Variants in CRACD observed in about 807,000 individuals in gnomAD.
The protein encoded by CRACD is capping protein inhibiting regulator of actin dynamics.
Under a neutral mutation model 106.8 loss-of-function variants are expected in CRACD, and 56 were observed. That is an observed-to-expected ratio of 0.52 (90% confidence interval 0.42 to 0.66). The LOEUF (loss-of-function observed/expected upper bound fraction) is 0.66. CRACD is among the 30% of genes least tolerant of loss of function. The probability of loss-of-function intolerance (pLI) is 0.00; values close to 1 mark genes in which losing one functional copy is unlikely to be tolerated. For synonymous variants in CRACD, 754 were observed against 670.8 expected (o/e 1.12, Z -1.92); for missense variants, 1,730 against 1,623.2 (o/e 1.07, Z -1.13).
At chr4:56,283,286 G>T (rs529337016) in intron 3 of CRACD, among the ~76,000 whole-genome samples, 1 of 152,156 alleles carries the variant, frequency 6.6e-6, no homozygotes, top group Non-Finnish European at 1.5e-5. Flanking sequence ...ATCCATCCAG[G>T]TGGGCTAGAC....
At chr4:56,257,942 T>C (rs58281286) in intron 2 of CRACD, among the ~76,000 whole-genome samples, 16,421 of 151,812 alleles carry the variant, frequency 0.11, 2,129 homozygotes, top group East Asian at 0.61. Flanking sequence ...TGGTGGCGCG[T>C]GCCTGTAGTC....
At chr4:56,183,321 A>G (rs2109441563) in intron 2 of CRACD, among the ~76,000 whole-genome samples, 1 of 151,584 alleles carries the variant, frequency 6.6e-6, no homozygotes, top group East Asian at 1.9e-4. Flanking sequence ...CCTTGAATAT[A>G]TTTTGGCTTT....
rs535787076 is a variant in CRACD at position 56,322,689 on chromosome 4, T to G, written c.3188-688T>G. ...TTGGAGTTCCACGTAGTATGTTCTT[T>G]GAGGGGAAAAAATGGTTCCATGGCT... is the stretch of plus-strand genomic sequence containing the variant. On this transcript the variant is annotated intron_variant, in intron 8 of 10. Coordinates refer to ENST00000682029, the MANE Select transcript of CRACD (RefSeq NM_001393381.1). 3.3e-5 allele frequency among the ~76,000 whole-genome samples: 5 copies of G among 152,270 alleles called. No homozygotes were observed. In the East Asian group the frequency reaches 9.6e-4, roughly 29 times the overall value.
At chr4:56,182,432 A>T (rs1212596020) in intron 2 of CRACD, among the ~76,000 whole-genome samples, 1 of 147,534 alleles carries the variant, frequency 6.8e-6, no homozygotes, top group African/African-American at 2.6e-5. Flanking sequence ...CAACAAAGAA[A>T]CAAAAAAAAA....
intron 2 of CRACD, among the ~76,000 whole-genome samples, chr4:56,227,674 G>A (rs1487181750): frequency 6.6e-6 from 1 of 152,204 alleles, no homozygotes; most frequent in Non-Finnish European, 1.5e-5. Flanking sequence ...GCCACAGGCA[G>A]GGCTTAAACA....
chr4:56,271,933 G>T (rs1272628308), intron 2 of CRACD, among the ~76,000 whole-genome samples: 1 of 152,016 alleles, frequency 6.6e-6, no homozygotes, highest in Non-Finnish European at 1.5e-5. Flanking sequence ...TTATAGAGAT[G>T]GGATCTCACT....
At chr4:56,233,855 T>C (rs1577777544) in intron 2 of CRACD, among the ~76,000 whole-genome samples, 1 of 152,320 alleles carries the variant, frequency 6.6e-6, no homozygotes, top group Admixed American at 6.5e-5. Flanking sequence ...TATTAAGTTA[T>C]TTTTTATTTC....
chr4:56,069,224 G>GT (rs1262643683), intron 1 of CRACD, among the ~76,000 whole-genome samples: 4 of 152,216 alleles, frequency 2.6e-5, no homozygotes, highest in Admixed American at 2.6e-4. Flanking sequence ...AAGCCACCCA[G>GT]TTTGTGGTCA....
intron 10 of CRACD, among the ~76,000 whole-genome samples, chr4:56,324,874 A>G (rs1051555662): frequency 6.6e-6 from 1 of 152,226 alleles, no homozygotes; most frequent in African/African-American, 2.4e-5. Flanking sequence ...GTTTCCTTCA[A>G]AACTACAAAG....
chr4:56,071,549 C>G (rs987545262), intron 1 of CRACD, among the ~76,000 whole-genome samples: 4 of 151,414 alleles, frequency 2.6e-5, no homozygotes, highest in Non-Finnish European at 5.9e-5. Context: ...CTCTGTTGCC[C>G]AGGCTGGAGT....
chr4:56,204,282 G>A (rs1328556182), intron 2 of CRACD, among the ~76,000 whole-genome samples: 1 of 152,252 alleles, frequency 6.6e-6, no homozygotes, highest in Admixed American at 6.5e-5. Context: ...GTTGGTGGGT[G>A]TCTTGGTCCA....
chr4:56,291,997 T>C (rs1743726740), intron 3 of CRACD, among the ~76,000 whole-genome samples: 1 of 152,064 alleles, frequency 6.6e-6, no homozygotes, highest in African/African-American at 2.4e-5. Context: ...TGAGGGAAAG[T>C]TTGGAATTTC....
intron 1 of CRACD, among the ~76,000 whole-genome samples, chr4:56,058,144 A>T (rs535934327): frequency 1.3e-5 from 2 of 151,260 alleles, no homozygotes; most frequent in East Asian, 3.9e-4. Flanking sequence ...ATCTCGGCTC[A>T]CTGCAGCCTC....
intron 1 of CRACD, among the ~76,000 whole-genome samples, chr4:56,155,550 C>T (rs116497509): frequency 1.0e-3 from 156 of 152,314 alleles, no homozygotes; most frequent in African/African-American, 3.3e-3. Flanking sequence ...AAGCCTTCTA[C>T]GTCGATTGAA....
intron 1 of CRACD, among the ~76,000 whole-genome samples, chr4:56,095,565 G>A (rs2109825343): frequency 6.6e-6 from 1 of 152,286 alleles, no homozygotes; most frequent in Non-Finnish European, 1.5e-5. Flanking sequence ...ACAGTGTGTG[G>A]AAATGCTCCA....
intron 1 of CRACD, among the ~76,000 whole-genome samples, chr4:56,095,558 G>A (rs116771714): frequency 0.015 from 2,242 of 152,294 alleles, 43 homozygotes; most frequent in Non-Finnish European, 0.022. Flanking sequence ...TGAGGACACA[G>A]TGTGTGGAAA....
At chr4:56,263,268 A>C (rs1372432929) in intron 2 of CRACD, among the ~76,000 whole-genome samples, 1 of 152,188 alleles carries the variant, frequency 6.6e-6, no homozygotes, top group Non-Finnish European at 1.5e-5. Flanking sequence ...CAGGTAGAAG[A>C]AAATGTGTAA....
At chr4:56,294,765 T>G (rs1184185165) in intron 3 of CRACD, among the ~76,000 whole-genome samples, 1 of 151,392 alleles carries the variant, frequency 6.6e-6, no homozygotes, top group East Asian at 1.9e-4. Flanking sequence ...AATACAAAAA[T>G]TAACCAGGCG....
chr4:56,095,145 A>G (rs1733557096), intron 1 of CRACD, among the ~76,000 whole-genome samples: 1 of 152,164 alleles, frequency 6.6e-6, no homozygotes, highest in Non-Finnish European at 1.5e-5. Context: ...TGAGTCCAGG[A>G]GTTTGAGACC....
Sources: allele counts gnomAD v4.1 joint callset (sites outside exome capture counted in the v4.1 genomes callset), GRCh38; gene constraint gnomAD v4.1.1; transcripts MANE v1.5; gene names NCBI Gene and HGNC (gene_info 2026-07-23, HGNC 2026-07-21).